NDST4: variants seen among roughly 807,000 people sequenced by gnomAD.
The protein encoded by NDST4 is N-deacetylase and N-sulfotransferase 4, also known as N-heparan sulfate sulfotransferase 4.
In NDST4, 63 loss-of-function variants were observed where a neutral mutation model predicts 100.8. That is an observed-to-expected ratio of 0.62 (90% CI 0.51 to 0.77). The LOEUF is 0.77. Among genes scored for constraint, NDST4 ranks in the 30% least tolerant of loss-of-function variants. The pLI, the probability that NDST4 is intolerant of heterozygous loss-of-function variation, is 0.00. For synonymous variants in NDST4, 377 were observed against 361.8 expected (o/e 1.04, Z -0.48); for missense variants, 943 against 1,018.4 (o/e 0.93, Z 1.01).
intron 6 of NDST4, among the ~76,000 whole-genome samples, chr4:114,921,605 C>A (rs1264622708): frequency 6.6e-6 from 1 of 152,092 alleles, no homozygotes; most frequent in Non-Finnish European, 1.5e-5. Flanking sequence ...ACATCTTATA[C>A]TGTTTGTGTA....
At chr4:115,103,475 A>C (rs2110344209) in intron 1 of NDST4, among the ~76,000 whole-genome samples, 1 of 152,258 alleles carries the variant, frequency 6.6e-6, no homozygotes, top group African/African-American at 2.4e-5. Context: ...AGACTTACAA[A>C]GAATCTTACT....
intron 2 of NDST4, among the ~76,000 whole-genome samples, chr4:115,000,702 T>G (rs1414081850): frequency 6.6e-6 from 1 of 152,144 alleles, no homozygotes; most frequent in Non-Finnish European, 1.5e-5. Flanking sequence ...TTGAAAACCT[T>G]TCTGTCCTTC....
chr4:114,858,913 A>T (rs1467415575), intron 7 of NDST4, among the ~76,000 whole-genome samples: 2 of 152,212 alleles, frequency 1.3e-5, no homozygotes, highest in African/African-American at 4.8e-5. Flanking sequence ...AGACATGGAA[A>T]TGAGTTACCA....
chr4:114,926,879 CTA>C (rs1725396955), intron 6 of NDST4, among the ~76,000 whole-genome samples: 1 of 152,050 alleles, frequency 6.6e-6, no homozygotes, highest in African/African-American at 2.4e-5. Context: ...TTAAAGTACT[CTA>C]GAGGGGAAAA....
chr4:114,867,651 A>C (rs1578353263), intron 7 of NDST4, among the ~76,000 whole-genome samples: 2 of 117,714 alleles, frequency 1.7e-5, no homozygotes, highest in East Asian at 4.1e-4. Context: ...AATTATAAAA[A>C]AAAAAAAAAA....
intron 6 of NDST4, among the ~76,000 whole-genome samples, chr4:114,921,893 A>T: frequency 6.7e-6 from 1 of 149,042 alleles, no homozygotes; most frequent in African/African-American, 2.5e-5. Context: ...CCTTTTTATC[A>T]TTTTCTTCCT....
At position 114,948,260 on chromosome 4, in the gene NDST4, G is replaced by A. The variant is rs531229039; in HGVS notation, c.1222-10757C>T. On this transcript the variant is annotated intron_variant, in intron 4 of 13. Transcript: ENST00000264363. Reference sequence around the variant, plus strand: ...TGGTATATGCATGAGCCATCCCTCTGAATGTCACTTCCCTCCCCCACCCCC... The same window carrying A: ...TGGTATATGCATGAGCCATCCCTCTAAATGTCACTTCCCTCCCCCACCCCC... Among the ~76,000 whole-genome samples, 8 of 151,884 alleles carry A rather than the reference G, an allele frequency of 5.3e-5. No individual in the cohort carries two copies. In the East Asian group the frequency reaches 1.5e-3, roughly 29 times the overall value.
rs959427362 is a variant in NDST4, at chr4:114,946,641, A to G, written c.1222-9138T>C. On this transcript the variant is annotated intron_variant, in intron 4 of 13. Transcript: ENST00000264363. ...ATTCTATTGTTTTTGCAGCAGAGTT[A>G]ACAAAGGGGGAGATTAGCAAGAGAT... 2.0e-5 allele frequency among the ~76,000 whole-genome samples: 3 copies of G among 152,164 alleles called. No individual in the cohort carries two copies. In the South Asian group the frequency reaches 6.2e-4, roughly 31 times the overall value.
chr4:114,927,216 T>TTGTGTG (rs10555403), intron 6 of NDST4, among the ~76,000 whole-genome samples: 6 of 147,888 alleles, frequency 4.1e-5, no homozygotes, highest in African/African-American at 7.4e-5. Flanking sequence ...TTAACTTGAT[T>TTGTGTG]TGTGTGTGTG....
chr4:114,869,085 A>G (rs1724093401), intron 7 of NDST4, among the ~76,000 whole-genome samples: 1 of 151,420 alleles, frequency 6.6e-6, no homozygotes, highest in Admixed American at 6.6e-5. Context: ...ACAAACATTC[A>G]ATCAATACTT....
chr4:114,868,046 T>C (rs1724071551), intron 7 of NDST4, among the ~76,000 whole-genome samples: 1 of 152,194 alleles, frequency 6.6e-6, no homozygotes, highest in Admixed American at 6.6e-5. Context: ...CAAAGGAAAT[T>C]AAATAGATGT....
chr4:114,877,867 G>A (rs544060296), intron 6 of NDST4, among the ~76,000 whole-genome samples: 1 of 152,082 alleles, frequency 6.6e-6, no homozygotes, highest in South Asian at 2.1e-4. Context: ...CAGAAGAATT[G>A]CTTCAACGCT....
intron 1 of NDST4, among the ~76,000 whole-genome samples, chr4:115,095,421 TC>T (rs1197344337): frequency 6.6e-6 from 1 of 152,170 alleles, no homozygotes; most frequent in East Asian, 1.9e-4. Flanking sequence ...AATCTGGCTT[TC>T]CCCTTAGGAC....
At chr4:114,962,368 T>C (rs889957007) in intron 4 of NDST4, among the ~76,000 whole-genome samples, 6 of 152,024 alleles carry the variant, frequency 3.9e-5, no homozygotes, top group Admixed American at 3.9e-4. Context: ...AGTAAAAGTA[T>C]TTCTATTTGC....
chr4:114,898,295 C>T (rs73850731), intron 6 of NDST4, among the ~76,000 whole-genome samples: 3,425 of 152,178 alleles, frequency 0.023, 121 homozygotes, highest in African/African-American at 0.077. Flanking sequence ...GCTCCAGCAC[C>T]AGTTATTGAA....
chr4:115,032,632 T>A (rs1175596434), intron 2 of NDST4, among the ~76,000 whole-genome samples: 8 of 152,142 alleles, frequency 5.3e-5, no homozygotes, highest in Admixed American at 5.2e-4. Context: ...AATAGAGTAA[T>A]GCATAGTTTC....
At chr4:115,090,436 G>A (rs1729493020) in intron 1 of NDST4, among the ~76,000 whole-genome samples, 1 of 151,652 alleles carries the variant, frequency 6.6e-6, no homozygotes, top group Non-Finnish European at 1.5e-5. Flanking sequence ...AGTGAAAAAG[G>A]ATCTAATTAA....
intron 1 of NDST4, among the ~76,000 whole-genome samples, chr4:115,098,063 T>A (rs926809241): frequency 3.9e-5 from 6 of 152,320 alleles, no homozygotes; most frequent in African/African-American, 1.4e-4. Flanking sequence ...CTTGGTTGTG[T>A]GTGTAATACT....
rs1578504936 is a variant in NDST4, at chr4:115,077,276, G to C, written c.-240C>G. The C allele has an allele frequency of 1.0e-5, 3 of 295,708 alleles. No individual in the cohort carries two copies. The East Asian group carries it at 1.8e-4, about 18-fold the overall frequency. 18.3% of individuals were successfully genotyped at this position (295,708 alleles called of 1,614,324 possible). A position where few individuals can be genotyped will look rare whatever the true frequency, so the allele number is the denominator to read the frequency against. ...TGAGAATTGCTGCAGAATCCTCTAA[G>C]CATAATCTGAAAGAGAGGAGAGATG... On this transcript the variant is annotated 5_prime_UTR_variant, in exon 2 of 14. Coordinates refer to ENST00000264363, the MANE Select transcript of NDST4 (RefSeq NM_022569.3).
Sources: gnomAD v4.1 joint callset for allele counts (sites outside exome capture counted in the v4.1 genomes callset) on GRCh38, gnomAD v4.1.1 for gene constraint, MANE v1.5 for transcripts, NCBI Gene and HGNC (gene_info 2026-07-23, HGNC 2026-07-21) for gene names.